Variants in ERBB4 observed in about 807,000 individuals in gnomAD.
The protein encoded by ERBB4 is receptor tyrosine-protein kinase erbB-4.
Under a neutral mutation model 158.0 loss-of-function variants are expected in ERBB4, and 42 were observed. That is an observed-to-expected ratio of 0.27 (90% CI 0.21 to 0.34). The LOEUF (loss-of-function observed/expected upper bound fraction) is 0.34, where lower values mean the gene tolerates loss of function less well. ERBB4 is among the 10% of genes least tolerant of loss of function. ERBB4 has a pLI of 1.00. For synonymous variants in ERBB4, 583 were observed against 558.7 expected (o/e 1.04, Z -0.61); for missense variants, 1,333 against 1,624.1 (o/e 0.82, Z 3.08).
chr2:211,946,982 T>G (rs1053783812), intron 3 of ERBB4, among the ~76,000 whole-genome samples: 1 of 152,076 alleles, frequency 6.6e-6, no homozygotes, highest in African/African-American at 2.4e-5. Flanking sequence ...AAATCAAAAC[T>G]GTATAAATTA....
At chr2:212,384,931 A>G (rs2090627649) in intron 1 of ERBB4, among the ~76,000 whole-genome samples, 1 of 148,170 alleles carries the variant, frequency 6.7e-6, no homozygotes, top group Non-Finnish European at 1.5e-5. Context: ...ACACACACAC[A>G]CACACTCACA....
chr2:211,871,307 T>C (rs2078338622), intron 3 of ERBB4, among the ~76,000 whole-genome samples: 1 of 152,184 alleles, frequency 6.6e-6, no homozygotes, highest in Admixed American at 6.6e-5. Flanking sequence ...CAGTCCACTC[T>C]GGGCAACATA....
rs73075179 is a variant in ERBB4 at position 211,559,350 on chromosome 2, T to C, written c.2487+2553A>G. 8.3e-3 allele frequency among the ~76,000 whole-genome samples: 1,258 copies of C among 152,326 alleles called. 17 individuals carry two copies. Among genetic ancestry groups the C allele is most frequent in the African/African-American group, 0.029 (1,191 of 41,574 alleles). ...AAATGAGATTATGTCAATTGCATGT[T>C]AAAATACTTCAGTAACTACCTACAG... is the stretch of plus-strand genomic sequence containing the variant. On this transcript the variant is annotated intron_variant, in intron 20 of 27. Coordinates refer to ENST00000342788, the MANE Select transcript of ERBB4 (RefSeq NM_005235.3).
At chr2:211,654,711 C>T (rs2071145129) in intron 16 of ERBB4, among the ~76,000 whole-genome samples, 1 of 152,062 alleles carries the variant, frequency 6.6e-6, no homozygotes, top group African/African-American at 2.4e-5. Context: ...TCAAAATGAC[C>T]ATTATAATTC....
chr2:212,013,588 G>C (rs769912185), intron 2 of ERBB4, among the ~76,000 whole-genome samples: 5 of 152,174 alleles, frequency 3.3e-5, no homozygotes, highest in Non-Finnish European at 7.4e-5. Flanking sequence ...CAATATTACT[G>C]TTCCCCTTAT....
At chr2:211,709,670 C>T (rs1400101816) in intron 9 of ERBB4, among the ~76,000 whole-genome samples, 3 of 152,080 alleles carry the variant, frequency 2.0e-5, no homozygotes, top group East Asian at 1.9e-4. Flanking sequence ...AGGATTGAGT[C>T]ATGTTTTATA....
intron 1 of ERBB4, among the ~76,000 whole-genome samples, chr2:212,430,985 G>C (rs567701505): frequency 6.6e-6 from 1 of 151,864 alleles, no homozygotes; most frequent in Non-Finnish European, 1.5e-5. Flanking sequence ...ATAAATACGC[G>C]GTTGCACTGC....
intron 14 of ERBB4, among the ~76,000 whole-genome samples, chr2:211,671,274 T>G (rs973811820): frequency 6.6e-6 from 1 of 152,182 alleles, no homozygotes; most frequent in African/African-American, 2.4e-5. Flanking sequence ...TGAATATTAA[T>G]GTTTGAATTT....
At chr2:212,145,227 G>A (rs997304470) in intron 1 of ERBB4, among the ~76,000 whole-genome samples, 9 of 152,146 alleles carry the variant, frequency 5.9e-5, no homozygotes, top group South Asian at 4.1e-4. Context: ...GACAGTTTTC[G>A]CAAGCCACAG....
chr2:212,207,730 G>C (rs1574435282), intron 1 of ERBB4, among the ~76,000 whole-genome samples: 1 of 151,294 alleles, frequency 6.6e-6, no homozygotes, highest in East Asian at 1.9e-4. Context: ...CTAATTCTGG[G>C]CAAGACACTT....
At chr2:211,419,936 G>C (rs561875729) in intron 25 of ERBB4, among the ~76,000 whole-genome samples, 1 of 152,034 alleles carries the variant, frequency 6.6e-6, no homozygotes, top group Admixed American at 6.6e-5. Flanking sequence ...CAGCCTTTTC[G>C]ATGTGATTAG....
intron 1 of ERBB4, among the ~76,000 whole-genome samples, chr2:212,157,779 G>A (rs927664545): frequency 5.5e-4 from 83 of 152,172 alleles, no homozygotes; most frequent in Admixed American, 2.6e-3. Context: ...GGAAATATTC[G>A]TTTAATGAAT....
chr2:211,814,009 T>C (rs1259497036), intron 3 of ERBB4, among the ~76,000 whole-genome samples: 2 of 152,102 alleles, frequency 1.3e-5, no homozygotes, highest in Non-Finnish European at 2.9e-5. Context: ...AATTACACAT[T>C]ATGTATACAT....
At chr2:211,732,899 C>G (rs1441247958) in intron 5 of ERBB4, among the ~76,000 whole-genome samples, 4 of 152,182 alleles carry the variant, frequency 2.6e-5, no homozygotes, top group African/African-American at 9.7e-5. Flanking sequence ...ATCACTTAAA[C>G]CCGGGAGGCG....
At chr2:212,502,482 T>C (rs1302026317) in intron 1 of ERBB4, among the ~76,000 whole-genome samples, 1 of 152,158 alleles carries the variant, frequency 6.6e-6, no homozygotes, top group East Asian at 1.9e-4. Context: ...TCAGTGTCAC[T>C]TGGCTCAAAA....
At chr2:211,586,610 T>C (rs1192714020) in intron 19 of ERBB4, among the ~76,000 whole-genome samples, 1 of 152,210 alleles carries the variant, frequency 6.6e-6, no homozygotes, top group Non-Finnish European at 1.5e-5. Context: ...TTCCTCCTTT[T>C]ACACATACCC....
chr2:212,169,681 G>A (rs1275043396), intron 1 of ERBB4, among the ~76,000 whole-genome samples: 2 of 152,162 alleles, frequency 1.3e-5, no homozygotes, highest in African/African-American at 2.4e-5. Flanking sequence ...CATAATTCCC[G>A]ACATCTCAAG....
chr2:212,246,722 C>A (rs190242679), intron 1 of ERBB4, among the ~76,000 whole-genome samples: 2 of 152,082 alleles, frequency 1.3e-5, no homozygotes, highest in East Asian at 1.9e-4. Flanking sequence ...AAACGTGATG[C>A]TGAGGAATAA....
At chr2:211,519,979 G>T (rs77410828) in intron 20 of ERBB4, among the ~76,000 whole-genome samples, 3,182 of 152,236 alleles carry the variant, frequency 0.021, 95 homozygotes, top group African/African-American at 0.073. Context: ...TTATCTATCA[G>T]TGATACCTCT....
Sources: gnomAD v4.1 joint callset for allele counts (sites outside exome capture counted in the v4.1 genomes callset) on GRCh38, gnomAD v4.1.1 for gene constraint, MANE v1.5 for transcripts, NCBI Gene and HGNC (gene_info 2026-07-23, HGNC 2026-07-21) for gene names.